SCFD2: variants seen among roughly 807,000 people sequenced by gnomAD.
SCFD2 encodes sec1 family domain containing 2, also known as sec1 family domain-containing protein 2.
SCFD2 carries 54 observed loss-of-function variants against 58.9 expected under a neutral mutation model. The observed-to-expected ratio is 0.92, with a 90% CI of 0.74 to 1.15. SCFD2 has a LOEUF of 1.15. Among genes scored for constraint, SCFD2 ranks in the 50% most tolerant of loss-of-function variants. SCFD2 has a pLI of 0.00. For synonymous variants in SCFD2, 321 were observed against 335.9 expected (o/e 0.96, Z 0.49); for missense variants, 805 against 836.6 (o/e 0.96, Z 0.47).
At chr4:53,223,469 T>C (rs536534328) in intron 4 of SCFD2, among the ~76,000 whole-genome samples, 20 of 152,340 alleles carry the variant, frequency 1.3e-4, no homozygotes, top group African/African-American at 4.1e-4. Context: ...CACAAACACA[T>C]GCCTTACAGT....
intron 5 of SCFD2, among the ~76,000 whole-genome samples, chr4:52,931,510 C>T (rs1264909594): frequency 1.3e-5 from 2 of 152,160 alleles, no homozygotes; most frequent in African/African-American, 4.8e-5. Context: ...TTCTTGTTTC[C>T]CACCACCCCC....
chr4:53,073,241 G>A (rs1318455267), intron 5 of SCFD2, among the ~76,000 whole-genome samples: 5 of 151,940 alleles, frequency 3.3e-5, no homozygotes, highest in Non-Finnish European at 7.4e-5. Context: ...ATGTGCATGG[G>A]TTATATGCTA....
At chr4:53,298,975 TA>T (rs1417106804) in intron 3 of SCFD2, among the ~76,000 whole-genome samples, 2 of 151,900 alleles carry the variant, frequency 1.3e-5, no homozygotes, top group African/African-American at 4.8e-5. Context: ...CAAAGGAAGA[TA>T]AAACCACAAA....
intron 5 of SCFD2, among the ~76,000 whole-genome samples, chr4:53,127,948 T>G (rs374809626): frequency 2.7e-5 from 4 of 150,744 alleles, no homozygotes; most frequent in East Asian, 3.9e-4. Context: ...TTTTTGTTTT[T>G]TTTTTTTTTT....
intron 6 of SCFD2, 23 bp from the exon 7 acceptor site, chr4:52,907,614 G>C (rs149228347): frequency 6.2e-7 from 1 of 1,612,650 alleles, no homozygotes; most frequent in Non-Finnish European, 8.5e-7. Context: ...AATACTATGA[G>C]TAAAGGGATT....
At position 53,093,605 on chromosome 4, in the gene SCFD2, T is replaced by C. The variant is rs1426256207; in HGVS notation, c.1561+51728A>G. ...ACTGTGAGATAAGTTAGAGAAACTA[T>C]AGAATACCCATACAACAGAATACCA... On this transcript the variant is annotated intron_variant, in intron 5 of 8. Coordinates refer to ENST00000401642, the MANE Select transcript of SCFD2 (RefSeq NM_152540.4). 3.9e-5 allele frequency among the ~76,000 whole-genome samples: 6 copies of C among 152,174 alleles called. 1 individual carries two copies. The highest frequency in any genetic ancestry group is 1.4e-4 in the African/African-American group (6 of 41,434).
chr4:52,909,149 G>A (rs761698143), intron 6 of SCFD2, among the ~76,000 whole-genome samples: 3 of 151,980 alleles, frequency 2.0e-5, no homozygotes, highest in Non-Finnish European at 4.4e-5. Context: ...AGAGCAATTC[G>A]GTAATACCTA....
At chr4:53,341,784 G>T (rs2149147463) in intron 2 of SCFD2, among the ~76,000 whole-genome samples, 1 of 152,342 alleles carries the variant, frequency 6.6e-6, no homozygotes, top group East Asian at 1.9e-4. Context: ...CAAGCCAGAA[G>T]AGAGTAGGGG....
chr4:53,313,612 C>T, intron 3 of SCFD2, 24 bp downstream of exon 3: 1 of 1,613,380 alleles, frequency 6.2e-7, no homozygotes, highest in South Asian at 1.1e-5. Context: ...TCAGAGGCTG[C>T]CTGTGTCCTA....
Position 53,248,936 on chromosome 4 carries a change from C to T in SCFD2, c.1311+24890G>A, listed in dbSNP as rs201296746. 7.0e-4 allele frequency among the ~76,000 whole-genome samples: 107 copies of T among 152,300 alleles called. 3 individuals carry two copies. In the East Asian group the frequency reaches 0.012, roughly 18 times the overall value. ...AAGGAACGCAGTTCCTCACCAGCAA[C>T]GGAACAAAGCTGGACGGAGAATGAC... is the stretch of plus-strand genomic sequence containing the variant. On this transcript the variant is annotated intron_variant, in intron 4 of 8. Transcript: ENST00000401642.
intron 4 of SCFD2, among the ~76,000 whole-genome samples, chr4:53,175,163 C>T (rs1052945200): frequency 1.3e-5 from 2 of 152,060 alleles, no homozygotes; most frequent in African/African-American, 4.8e-5. Context: ...AGAAAAACTT[C>T]AAATCACTTT....
At chr4:53,116,356 C>T (rs1725319084) in intron 5 of SCFD2, among the ~76,000 whole-genome samples, 2 of 152,164 alleles carry the variant, frequency 1.3e-5, no homozygotes, top group South Asian at 2.1e-4. Context: ...CATCTTGATA[C>T]ATGCTTCAAT....
At chr4:53,196,841 G>A (rs1305599031) in intron 4 of SCFD2, among the ~76,000 whole-genome samples, 10 of 151,738 alleles carry the variant, frequency 6.6e-5, no homozygotes, top group African/African-American at 2.4e-4. Flanking sequence ...TTTACTCAAT[G>A]CAAAAGAATA....
At chr4:52,975,527 G>C (rs1036768432) in intron 5 of SCFD2, among the ~76,000 whole-genome samples, 1 of 152,188 alleles carries the variant, frequency 6.6e-6, no homozygotes, top group African/African-American at 2.4e-5. Context: ...AACAACAGGT[G>C]CTGGAGAGGA....
chr4:53,085,810 G>T (rs777321888), intron 5 of SCFD2, among the ~76,000 whole-genome samples: 14 of 152,244 alleles, frequency 9.2e-5, no homozygotes, highest in South Asian at 2.1e-4. Flanking sequence ...AATAAATGGT[G>T]CTGAGAAAAC....
At chr4:53,326,694 G>C (rs746913930) in intron 2 of SCFD2, among the ~76,000 whole-genome samples, 12 of 152,206 alleles carry the variant, frequency 7.9e-5, no homozygotes, top group Admixed American at 3.9e-4. Flanking sequence ...TATCAGTTTT[G>C]TCAAGTACCA....
At chr4:52,922,916 G>C (rs1719774489) in intron 5 of SCFD2, among the ~76,000 whole-genome samples, 2 of 152,202 alleles carry the variant, frequency 1.3e-5, no homozygotes, top group Non-Finnish European at 1.5e-5. Context: ...TAGATGTAAA[G>C]TGAGGATACA....
chr4:53,286,164 C>T (rs1444768254), intron 3 of SCFD2, among the ~76,000 whole-genome samples: 1 of 152,160 alleles, frequency 6.6e-6, no homozygotes, highest in Non-Finnish European at 1.5e-5. Flanking sequence ...AAGGGGCACT[C>T]CATCTCCTGG....
chr4:53,336,541 T>C (rs1733689304), intron 2 of SCFD2, among the ~76,000 whole-genome samples: 1 of 142,730 alleles, frequency 7.0e-6, no homozygotes, highest in African/African-American at 2.8e-5. Context: ...ATTTATTTAT[T>C]TGAGTTGGAG....
Sources: gnomAD v4.1 joint callset for allele counts (sites outside exome capture counted in the v4.1 genomes callset) on GRCh38, gnomAD v4.1.1 for gene constraint, MANE v1.5 for transcripts, NCBI Gene and HGNC (gene_info 2026-07-23, HGNC 2026-07-21) for gene names.